FRMD6: variants seen among roughly 807,000 people sequenced by gnomAD.
The protein encoded by FRMD6 is FERM domain containing 6, also known as FERM domain-containing protein 6.
In FRMD6, 37 loss-of-function variants were observed where a neutral mutation model predicts 73.2. The observed-to-expected ratio is 0.51, with a 90% CI of 0.39 to 0.66. The LOEUF (loss-of-function observed/expected upper bound fraction) is 0.66. FRMD6 is among the 30% of genes least tolerant of loss of function. FRMD6 has a pLI of 0.00. For missense variants in FRMD6, 714 were observed against 780.5 expected, an observed-to-expected ratio of 0.91 and a Z score of 1.02; for synonymous variants, 273 against 282.2, an observed-to-expected ratio of 0.97 and a Z score of 0.33.
the FRMD6 span, among the ~76,000 whole-genome samples, chr14:51,460,402 A>G: frequency 5.7e-3 from 861 of 152,340 alleles, 7 homozygotes; most frequent in African/African-American, 0.019. Flanking sequence ...TATTTTCAAT[A>G]TACCTACAAT....
At chr14:51,568,732 G>A (rs1167984033) in intron 1 of FRMD6, among the ~76,000 whole-genome samples, 1 of 152,180 alleles carries the variant, frequency 6.6e-6, no homozygotes, top group African/African-American at 2.4e-5. Flanking sequence ...AGGGAATCAA[G>A]AGGCTGTGGT....
At chr14:51,402,680 C>G in the FRMD6 span, among the ~76,000 whole-genome samples, 6 of 151,228 alleles carry the variant, frequency 4.0e-5, no homozygotes, top group African/African-American at 1.5e-4. Flanking sequence ...ACTCTGTCAC[C>G]CAGGCTGGAG....
At chr14:51,587,027 G>A (rs1021756103) in intron 2 of FRMD6, among the ~76,000 whole-genome samples, 1 of 152,178 alleles carries the variant, frequency 6.6e-6, no homozygotes, top group African/African-American at 2.4e-5. Context: ...AAGTGCTGGG[G>A]TTATGGCCAT....
chr14:51,424,678 T>C, the FRMD6 span, among the ~76,000 whole-genome samples: 1 of 152,226 alleles, frequency 6.6e-6, no homozygotes, highest in Non-Finnish European at 1.5e-5. Flanking sequence ...GGCTTTGTTG[T>C]TGTCTGAAAC....
intron 2 of FRMD6, among the ~76,000 whole-genome samples, chr14:51,574,832 G>T (rs1214982755): frequency 6.6e-6 from 1 of 152,126 alleles, no homozygotes; most frequent in Admixed American, 6.5e-5. Flanking sequence ...ATAATTGGAT[G>T]GTTTGTAACA....
chr14:51,516,983 T>A (rs1415794266), intron 1 of FRMD6, among the ~76,000 whole-genome samples: 1 of 152,234 alleles, frequency 6.6e-6, no homozygotes, highest in Non-Finnish European at 1.5e-5. Context: ...ATTGCCTTGG[T>A]TATAAACAGT....
the FRMD6 span, among the ~76,000 whole-genome samples, chr14:51,444,092 C>T: frequency 6.6e-6 from 1 of 152,154 alleles, no homozygotes; most frequent in Admixed American, 6.5e-5. Flanking sequence ...CCAAGCCTGG[C>T]TAATTTTTGT....
intron 1 of FRMD6, among the ~76,000 whole-genome samples, chr14:51,531,697 G>C (rs750298642): frequency 2.0e-5 from 3 of 152,158 alleles, no homozygotes; most frequent in Non-Finnish European, 2.9e-5. Context: ...AGTTCAGTTT[G>C]ACAAAAAATT....
chr14:51,440,260 A>G, the FRMD6 span, among the ~76,000 whole-genome samples: 1 of 152,246 alleles, frequency 6.6e-6, no homozygotes, highest in African/African-American at 2.4e-5. Flanking sequence ...TATACTCGTT[A>G]AAAATACAGA....
At chr14:51,478,494 A>G in the FRMD6 span, among the ~76,000 whole-genome samples, 1 of 152,338 alleles carries the variant, frequency 6.6e-6, no homozygotes, top group East Asian at 1.9e-4. Context: ...ATGAATTCCA[A>G]TTGAGCCAAT....
At chr14:51,452,415 T>C in the FRMD6 span, among the ~76,000 whole-genome samples, 1 of 152,246 alleles carries the variant, frequency 6.6e-6, no homozygotes, top group East Asian at 1.9e-4. Flanking sequence ...GTCACTCTAG[T>C]GATGGTTTTC....
chr14:51,658,930 G>A (rs117992529), intron 1 of FRMD6, among the ~76,000 whole-genome samples: 2,019 of 152,192 alleles, frequency 0.013, 18 homozygotes, highest in Non-Finnish European at 0.02. Context: ...TATCCTACCC[G>A]AATAAGATAC....
At chr14:51,436,275 TC>T in the FRMD6 span, 1 of 368,908 alleles carries the variant, frequency 2.7e-6, no homozygotes, top group Non-Finnish European at 5.2e-6. Flanking sequence ...TAAATAATTT[TC>T]TCAGAAGAGG....
intron 1 of FRMD6, among the ~76,000 whole-genome samples, chr14:51,539,613 T>C (rs1320495720): frequency 6.6e-6 from 1 of 152,222 alleles, no homozygotes; most frequent in East Asian, 1.9e-4. Context: ...CTGGCTTCCT[T>C]CTGGGCAATT....
chr14:51,659,180 A>G (rs918605616), intron 1 of FRMD6, among the ~76,000 whole-genome samples: 1 of 152,178 alleles, frequency 6.6e-6, no homozygotes, highest in African/African-American at 2.4e-5. Flanking sequence ...TGGGGAAGTT[A>G]CTTAACTCTC....
intron 10 of FRMD6, among the ~76,000 whole-genome samples, chr14:51,716,261 A>G (rs1463246960): frequency 6.6e-6 from 1 of 151,288 alleles, no homozygotes; most frequent in Non-Finnish European, 1.5e-5. Flanking sequence ...CCCCAACCCT[A>G]ATCCTCAAAA....
intron 1 of FRMD6, among the ~76,000 whole-genome samples, chr14:51,522,688 G>T (rs1399590525): frequency 1.3e-5 from 2 of 152,196 alleles, no homozygotes; most frequent in African/African-American, 4.8e-5. Flanking sequence ...TTTGAAAAGG[G>T]AATGTTGCAT....
At chr14:51,535,597 T>C (rs949579386) in intron 1 of FRMD6, among the ~76,000 whole-genome samples, 17 of 152,266 alleles carry the variant, frequency 1.1e-4, no homozygotes, top group African/African-American at 4.1e-4. Context: ...ACGATGTGGA[T>C]ATACCACATT....
rs191366847 is a variant in FRMD6 at position 51,665,472 on chromosome 14, G to A, written c.-147+13476G>A. Among the ~76,000 whole-genome samples, 33 of 152,086 alleles carry A rather than the reference G, an allele frequency of 2.2e-4. 1 individual carries two copies. The highest frequency in any genetic ancestry group is 1.4e-3 in the Admixed American group (22 of 15,288). On this transcript the variant is annotated intron_variant, in intron 1 of 13. Coordinates refer to ENST00000344768, the MANE Select transcript of FRMD6 (RefSeq NM_001267046.2). ...TTCTTCCCATTGTCCTGTCTAATGC[G>A]TACACACTTCGTCTACCTCATGTTT...
Sources: gnomAD v4.1 joint callset for allele counts (sites outside exome capture counted in the v4.1 genomes callset) on GRCh38, gnomAD v4.1.1 for gene constraint, MANE v1.5 for transcripts, NCBI Gene and HGNC (gene_info 2026-07-23, HGNC 2026-07-21) for gene names.